The following TBC1D9 variants were observed in gnomAD, a reference collection of about 807,000 sequenced individuals.
TBC1D9 encodes the protein TBC1 domain family member 9, also known as TBC1 domain family member 9A.
In TBC1D9, 63 loss-of-function variants were observed where a neutral mutation model predicts 132.0. The observed-to-expected ratio is 0.48, with a 90% CI of 0.39 to 0.59. TBC1D9 has a LOEUF of 0.59. TBC1D9 is among the 20% of genes least tolerant of loss of function. The pLI is 0.00. For missense variants in TBC1D9, 1,261 were observed against 1,592.7 expected (o/e 0.79, Z 3.54); for synonymous variants, 610 against 609.9 (o/e 1.00, Z 0.00).
chr4:140,667,570 T>G lies in TBC1D9; in HGVS notation c.1588+1347A>C, dbSNP rs191810179. 2.0e-5 allele frequency among the ~76,000 whole-genome samples: 3 copies of G among 152,268 alleles called. No homozygotes were observed. The East Asian group carries it at 5.8e-4, about 29-fold the overall frequency. Reference sequence around the variant, plus strand: ...AATTAGAGATGAGTTGACTCAAATTTAGGTTTCTAAATGAGGAGCTATGGC... The same window carrying G: ...AATTAGAGATGAGTTGACTCAAATTGAGGTTTCTAAATGAGGAGCTATGGC... On this transcript the variant is annotated intron_variant, in intron 9 of 20. Transcript: ENST00000442267.
Position 140,668,997 on chromosome 4 carries a change from T to C in TBC1D9, c.1508A>G (p.Tyr503Cys), listed in dbSNP as rs1328970840. Reference protein sequence around the residue: ...FAEYGQGICMYRTEKTRELVL... With the variant: ...FAEYGQGICMCRTEKTRELVL... ...CAGCTCCCGCGTTTTCTCTGTGCGG[T>C]ACATGCAGATCCCTTGCCCATACTC... is the stretch of plus-strand genomic sequence containing the variant. Residue 503 changes from tyrosine to cysteine, a missense_variant, in exon 9 of 21, where the codon TAC becomes TGC. By Grantham distance (194) the Tyr-to-Cys change is radical (BLOSUM62 -2). This residue lies in a region of TBC1D9 where 550 missense variants were observed against 699.0 expected (regional missense o/e 0.79). Coordinates refer to ENST00000442267, the MANE Select transcript of TBC1D9 (RefSeq NM_015130.3). The C allele has an allele frequency of 6.2e-7, 1 of 1,613,994 alleles. No homozygotes were observed. The highest frequency in any genetic ancestry group is 1.6e-4 in the Middle Eastern group (1 of 6,062).
intron 13 of TBC1D9, chr4:140,643,008 T>A (rs960054174): frequency 6.3e-6 from 5 of 787,532 alleles, no homozygotes; most frequent in Admixed American, 5.4e-5. Flanking sequence ...TTCCAGGACG[T>A]CCATGTCCTC....
At chr4:140,650,273 G>T (rs915538796) in intron 13 of TBC1D9, among the ~76,000 whole-genome samples, 1 of 152,194 alleles carries the variant, frequency 6.6e-6, no homozygotes, top group Non-Finnish European at 1.5e-5. Flanking sequence ...AATATTGTTT[G>T]GCCCAGGGAG....
At chr4:140,754,388 C>T (rs57429429) in intron 1 of TBC1D9, among the ~76,000 whole-genome samples, 19,636 of 151,762 alleles carry the variant, frequency 0.13, 2,269 homozygotes, top group African/African-American at 0.31. Context: ...CCAAAGTGGG[C>T]GGATTATTTG....
At chr4:140,650,636 G>A (rs1288454709) in intron 13 of TBC1D9, among the ~76,000 whole-genome samples, 6 of 152,076 alleles carry the variant, frequency 3.9e-5, no homozygotes, top group South Asian at 4.1e-4. Flanking sequence ...AGGTTCAATC[G>A]ATTCTCTTGC....
rs199939470 is a variant in TBC1D9 at position 140,657,138 on chromosome 4, G to A, written c.2296C>T (p.Pro766Ser). The A allele has an allele frequency of 3.7e-5, 59 of 1,613,810 alleles. No homozygotes were observed. The highest frequency in any genetic ancestry group is 8.3e-5 in the Admixed American group (5 of 60,006). Residue 766 changes from proline (P) to serine (S), a missense_variant, in exon 13 of 21, where the codon CCT (proline) becomes TCT (serine). By Grantham distance (74) the Pro-to-Ser change is moderately conservative. This residue lies in a region of TBC1D9 where 618 missense variants were observed against 724.4 expected (regional missense o/e 0.85). Coordinates refer to ENST00000442267, the MANE Select transcript of TBC1D9 (RefSeq NM_015130.3). ...SLLSDDVEPYPEVDIFRLIRT... is the reference protein window; with the variant it reads ...SLLSDDVEPYSEVDIFRLIRT... ...ATGAGTCTAAAGATGTCTACCTCAG[G>A]GTAAGGTTCCACATCATCGCTGAGC...
chr4:140,693,790 C>T (rs1737911153), intron 2 of TBC1D9, among the ~76,000 whole-genome samples: 1 of 152,184 alleles, frequency 6.6e-6, no homozygotes, highest in Non-Finnish European at 1.5e-5. Context: ...GCAAAGGGTG[C>T]ATATTATATG....
intron 1 of TBC1D9, among the ~76,000 whole-genome samples, chr4:140,753,279 C>T (rs986737909): frequency 2.0e-5 from 3 of 151,256 alleles, no homozygotes; most frequent in East Asian, 1.9e-4. Context: ...CCTTTTCTAG[C>T]GATAAGGTCT....
At chr4:140,698,547 A>C (rs539649367) in intron 2 of TBC1D9, among the ~76,000 whole-genome samples, 1 of 152,268 alleles carries the variant, frequency 6.6e-6, no homozygotes, top group East Asian at 1.9e-4. Context: ...CAGGAGTTCG[A>C]GACCAGCCTG....
intron 1 of TBC1D9, among the ~76,000 whole-genome samples, chr4:140,743,387 G>A (rs753361456): frequency 1.6e-4 from 24 of 152,220 alleles, no homozygotes; most frequent in East Asian, 3.9e-4. Context: ...TCTTCATAAC[G>A]GGTGCTAAAA....
intron 1 of TBC1D9, among the ~76,000 whole-genome samples, chr4:140,726,245 C>A (rs1043426029): frequency 1.3e-5 from 2 of 151,910 alleles, no homozygotes; most frequent in African/African-American, 4.8e-5. Flanking sequence ...GCCAAGACTG[C>A]ACCACTGAAC....
chr4:140,656,298 T>C (rs762346325), intron 13 of TBC1D9, among the ~76,000 whole-genome samples: 1 of 152,120 alleles, frequency 6.6e-6, no homozygotes, highest in Non-Finnish European at 1.5e-5. Context: ...AGGTATTTAG[T>C]GTGGAGTCCT....
chr4:140,728,688 A>G (rs1738537358), intron 1 of TBC1D9, among the ~76,000 whole-genome samples: 1 of 151,850 alleles, frequency 6.6e-6, no homozygotes, highest in Admixed American at 6.6e-5. Flanking sequence ...TTTGAGAAGG[A>G]GACTGGCTCT....
intron 9 of TBC1D9, among the ~76,000 whole-genome samples, chr4:140,665,452 A>G (rs564696961): frequency 6.6e-6 from 1 of 152,338 alleles, no homozygotes; most frequent in African/African-American, 2.4e-5. Flanking sequence ...TCTACAAAGA[A>G]GATATAGAAG....
At chr4:140,665,449 A>G (rs1170924638) in intron 9 of TBC1D9, among the ~76,000 whole-genome samples, 1 of 152,224 alleles carries the variant, frequency 6.6e-6, no homozygotes, top group African/African-American at 2.4e-5. Flanking sequence ...ATTTCTACAA[A>G]GAAGATATAG....
chr4:140,649,278 T>C (rs930090357), intron 13 of TBC1D9, among the ~76,000 whole-genome samples: 2 of 152,236 alleles, frequency 1.3e-5, no homozygotes, highest in African/African-American at 2.4e-5. Context: ...GGTTCTAATA[T>C]GCAAAGTCTA....
At chr4:140,749,545 A>T (rs1392807458) in intron 1 of TBC1D9, among the ~76,000 whole-genome samples, 1 of 152,176 alleles carries the variant, frequency 6.6e-6, no homozygotes, top group East Asian at 1.9e-4. Flanking sequence ...TCAACTGCCC[A>T]GGTATGGGGG....
At chr4:140,708,897 G>T (rs963702783) in intron 1 of TBC1D9, among the ~76,000 whole-genome samples, 1 of 152,092 alleles carries the variant, frequency 6.6e-6, no homozygotes, top group African/African-American at 2.4e-5. Flanking sequence ...TCAGGCGCAG[G>T]TATTATTGGC....
In TBC1D9 at chr4:140,677,217, C is replaced by G. The variant is rs747001711; in HGVS notation, c.852-116G>C. Reference sequence around the variant, plus strand: ...ACCTCCTCAATCTTGCTAGACTCATCCCCCGCTTCTCAGCTTTCTTTATAT... The same window carrying G: ...ACCTCCTCAATCTTGCTAGACTCATGCCCCGCTTCTCAGCTTTCTTTATAT... On this transcript the variant is annotated intron_variant, in intron 5 of 20. Coordinates refer to ENST00000442267, the MANE Select transcript of TBC1D9 (RefSeq NM_015130.3). 101 of 1,163,490 alleles carry G rather than the reference C, an allele frequency of 8.7e-5. 1 individual carries two copies. The highest frequency in any genetic ancestry group is 1.2e-4 in the Non-Finnish European group (100 of 821,504). 72.1% of individuals were successfully genotyped at this position (1,163,490 alleles called of 1,614,324 possible). A position where few individuals can be genotyped will look rare whatever the true frequency, so the allele number is the denominator to read the frequency against.
Sources: gnomAD v4.1 joint callset for allele counts (sites outside exome capture counted in the v4.1 genomes callset) on GRCh38, gnomAD v4.1.1 for gene constraint, gnomAD v4.1.1 regional missense constraint, MANE v1.5 for transcripts, NCBI Gene and HGNC (gene_info 2026-07-23, HGNC 2026-07-21) for gene names.